The following ITGBL1 variants were observed in gnomAD, a reference collection of about 807,000 sequenced individuals.
ITGBL1 encodes the protein integrin subunit beta like 1.
Under a neutral mutation model 68.5 loss-of-function variants are expected in ITGBL1, and 51 were observed. The observed-to-expected ratio is 0.74, with a 90% CI of 0.59 to 0.94. The LOEUF is 0.94. ITGBL1 is among the 40% of genes least tolerant of loss of function. The probability of loss-of-function intolerance (pLI) is 0.00; values close to 1 mark genes in which losing one functional copy is unlikely to be tolerated. For synonymous variants in ITGBL1, 209 were observed against 227.3 expected (o/e 0.92, Z 0.72); for missense variants, 649 against 647.4 (o/e 1.00, Z -0.03).
chr13:101,539,050 C>CTTTTTTTTTT (rs35288585), intron 2 of ITGBL1, among the ~76,000 whole-genome samples: 1 of 99,622 alleles, frequency 1.0e-5, no homozygotes, highest in African/African-American at 3.8e-5. Context: ...TGTGCTGCTT[C>CTTTTTTTTTT]TTTTTTTTTT....
chr13:101,671,040 A>AT (rs1256451424), intron 7 of ITGBL1, among the ~76,000 whole-genome samples: 9 of 152,168 alleles, frequency 5.9e-5, no homozygotes, highest in Admixed American at 2.0e-4. Context: ...AATTCATCAG[A>AT]TTTTTAAACC....
At chr13:101,630,984 A>G (rs1366297026) in intron 7 of ITGBL1, among the ~76,000 whole-genome samples, 3 of 152,180 alleles carry the variant, frequency 2.0e-5, no homozygotes, top group African/African-American at 7.2e-5. Context: ...CTGGTTCTGT[A>G]GCTCTATCTT....
chr13:101,583,474 A>C, intron 6 of ITGBL1, 118 bp downstream of exon 6: 1 of 726,906 alleles, frequency 1.4e-6, no homozygotes, highest in Non-Finnish European at 2.1e-6. Context: ...ATAGCACAAT[A>C]GGGTGACTAT....
intron 3 of ITGBL1, among the ~76,000 whole-genome samples, chr13:101,570,034 AATG>A (rs1326508358): frequency 2.0e-5 from 3 of 152,158 alleles, no homozygotes; most frequent in African/African-American, 7.2e-5. Flanking sequence ...ATGACTGGAA[AATG>A]ATGATTTATG....
At chr13:101,531,253 C>T (rs912870414) in intron 2 of ITGBL1, among the ~76,000 whole-genome samples, 3 of 152,044 alleles carry the variant, frequency 2.0e-5, no homozygotes, top group African/African-American at 7.2e-5. Context: ...AAAAAGTAAA[C>T]AATTGTTTAC....
downstream of ITGBL1, chr13:101,718,556 T>A (rs995802891): frequency 7.3e-6 from 1 of 137,082 alleles, no homozygotes; most frequent in Non-Finnish European, 1.6e-5. Flanking sequence ...TAACGCTGCT[T>A]GTTTGGCAAA....
chr13:101,631,088 G>T (rs984936605), intron 7 of ITGBL1, among the ~76,000 whole-genome samples: 2 of 152,120 alleles, frequency 1.3e-5, no homozygotes, highest in East Asian at 3.9e-4. Context: ...GATATATCCT[G>T]CAGTAAGAAA....
chr13:101,706,816 G>C lies in ITGBL1; in HGVS notation c.1193G>C (p.Cys398Ser), dbSNP rs1316393462. Reference sequence around the variant, plus strand: ...GAGAGAGGATGGTTTGGAAAGCTCTGCCAACATCCGCGGAAGTGTAACATG... The same window carrying C: ...GAGAGAGGATGGTTTGGAAAGCTCTCCCAACATCCGCGGAAGTGTAACATG... ...VCERGWFGKL[C>S]QHPRKCNMTE... The change falls in exon 9 of 11, where the codon TGC becomes TCC. Residue 398 changes from cysteine to serine, a missense_variant. Physicochemically the swap from Cys to Ser is moderately radical, Grantham distance 112. Transcript: ENST00000376180. The C allele has an allele frequency of 1.2e-6, 2 of 1,614,156 alleles. No individual in the cohort carries two copies. The highest frequency in any genetic ancestry group is 1.7e-6 in the Non-Finnish European group (2 of 1,180,020).
chr13:101,624,208 A>C (rs1384232443), intron 7 of ITGBL1, among the ~76,000 whole-genome samples: 1 of 152,152 alleles, frequency 6.6e-6, no homozygotes. Context: ...TGGATCTGTT[A>C]ATACTTTCAT....
chr13:101,527,798 A>G (rs74365990), intron 2 of ITGBL1, among the ~76,000 whole-genome samples: 3,007 of 152,024 alleles, frequency 0.02, 115 homozygotes, highest in African/African-American at 0.069. Flanking sequence ...ATATTTTCAT[A>G]TGGTTATTGG....
At chr13:101,466,069 T>C (rs2048378114) in intron 2 of ITGBL1, among the ~76,000 whole-genome samples, 1 of 152,162 alleles carries the variant, frequency 6.6e-6, no homozygotes, top group Non-Finnish European at 1.5e-5. Flanking sequence ...CTCTTAGTCA[T>C]CCAACTAAAC....
At chr13:101,647,549 C>T (rs2032601095) in intron 7 of ITGBL1, among the ~76,000 whole-genome samples, 1 of 152,148 alleles carries the variant, frequency 6.6e-6, no homozygotes, top group African/African-American at 2.4e-5. Context: ...TTGAGAAACC[C>T]AGATCTCATA....
rs2030312338 is a variant in ITGBL1 at position 101,600,677 on chromosome 13, C to G, written c.1015+2378C>G. Among the ~76,000 whole-genome samples the G allele has an allele frequency of 3.9e-5, 6 of 152,112 alleles. No homozygotes were observed. The South Asian group carries it at 1.2e-3, about 31-fold the overall frequency. ...TGTTGAATTTTGTCAAAGGCCTTTT[C>G]TGCATGTATTGAGATAATCATGTGA... On this transcript the variant is annotated intron_variant, in intron 7 of 10. Transcript: ENST00000376180.
At chr13:101,642,152 T>A (rs957936433) in intron 7 of ITGBL1, among the ~76,000 whole-genome samples, 4 of 151,812 alleles carry the variant, frequency 2.6e-5, no homozygotes, top group African/African-American at 4.8e-5. Context: ...ACTTCCACAA[T>A]GGTTGAACTA....
chr13:101,671,524 C>T (rs1184697230), intron 7 of ITGBL1, among the ~76,000 whole-genome samples: 12 of 142,644 alleles, frequency 8.4e-5, no homozygotes, highest in African/African-American at 1.5e-4. Flanking sequence ...CTGCAAGCTC[C>T]GCCTCCCGGG....
At chr13:101,462,033 T>C (rs1202260974) in intron 2 of ITGBL1, among the ~76,000 whole-genome samples, 1 of 152,178 alleles carries the variant, frequency 6.6e-6, no homozygotes, top group East Asian at 1.9e-4. Flanking sequence ...TGTGTGGTTG[T>C]AAGACTGTGG....
chr13:101,578,156 T>C (rs1325188648), intron 4 of ITGBL1, among the ~76,000 whole-genome samples: 1 of 152,194 alleles, frequency 6.6e-6, no homozygotes, highest in Non-Finnish European at 1.5e-5. Context: ...TATTCTGTTG[T>C]ACTTCTTGCT....
At chr13:101,457,436 C>T (rs1270100007) in intron 2 of ITGBL1, among the ~76,000 whole-genome samples, 3 of 152,172 alleles carry the variant, frequency 2.0e-5, no homozygotes, top group African/African-American at 7.2e-5. Flanking sequence ...TACTGTGAAT[C>T]ATAAGAACCA....
At chr13:101,456,274 T>C (rs2048242852) in intron 2 of ITGBL1, among the ~76,000 whole-genome samples, 1 of 152,208 alleles carries the variant, frequency 6.6e-6, no homozygotes, top group South Asian at 2.1e-4. Context: ...AAACTTACTC[T>C]ACAGGGCCTT....
Sources: allele counts gnomAD v4.1 joint callset (sites outside exome capture counted in the v4.1 genomes callset), GRCh38; gene constraint gnomAD v4.1.1; transcripts MANE v1.5; gene names NCBI Gene and HGNC (gene_info 2026-07-23, HGNC 2026-07-21).